Variants in MACF1 observed in about 807,000 individuals in gnomAD.
The protein encoded by MACF1 is microtubule actin crosslinking factor 1.
A neutral mutation model predicts 854.8 loss-of-function variants in MACF1; 193 were observed. The ratio of observed to expected loss-of-function variants is 0.23; its 90% CI spans 0.20 to 0.25. The LOEUF (loss-of-function observed/expected upper bound fraction) is 0.25, where lower values mean the gene tolerates loss of function less well. MACF1 is among the 10% of genes least tolerant of loss of function. MACF1 has a pLI of 1.00. For synonymous variants in MACF1, 3,185 were observed against 3,226.7 expected, an observed-to-expected ratio of 0.99 and a Z score of 0.44; for missense variants, 7,722 against 8,929.1, an observed-to-expected ratio of 0.86 and a Z score of 5.45.
At chr1:39,302,245 A>G (rs1464071413) in intron 22 of MACF1, among the ~76,000 whole-genome samples, 2 of 152,114 alleles carry the variant, frequency 1.3e-5, no homozygotes, top group Non-Finnish European at 2.9e-5. Flanking sequence ...CAGCCTGCCT[A>G]CCTTAGCCTT....
chr1:39,360,843 T>C lies in MACF1; in HGVS notation c.12295T>C (p.Ser4099Pro). ...QSLSYSLAER[S>P]SLLQKAIAQS... ...CCTCTCCTATAGCCTGGCTGAGCGA[T>C]CTTCTCTGCTGCAGAAAGCAATTGC... Residue 4099 changes from serine (S) to proline (P), a missense_variant, in exon 48 of 101, where the codon TCT becomes CCT. By Grantham distance (74) the Ser-to-Pro change is moderately conservative (BLOSUM62 -1). This residue lies in a region of MACF1 where 2,807 missense variants were observed against 3,235.8 expected (regional missense o/e 0.87). Coordinates refer to ENST00000564288, the MANE Select transcript of MACF1 (RefSeq NM_001394062.1). 1 of 1,614,074 alleles carries C rather than the reference T, an allele frequency of 6.2e-7. No homozygotes were observed. Among genetic ancestry groups the C allele is most frequent in the Non-Finnish European group, 8.5e-7 (1 of 1,180,004 alleles).
In MACF1 at chr1:39,460,513, C is replaced by G. The variant is rs1644533855; in HGVS notation, c.21361-119C>G. The G allele has an allele frequency of 1.2e-6, 1 of 825,920 alleles. No individual in the cohort carries two copies. The highest frequency in any genetic ancestry group is 2.0e-6 in the Non-Finnish European group (1 of 510,524). The allele number at this position is 825,920 out of a possible 1,614,324, so 51.2% of individuals were successfully genotyped here. A position where few individuals can be genotyped will look rare whatever the true frequency, so the allele number is the denominator to read the frequency against. ...ACAAAAGAAGCAAACACATAGATTT[C>G]ATTGTTGATGGCCCCTGGAAGCATG... On this transcript the variant is annotated intron_variant, in intron 91 of 100. Coordinates refer to ENST00000564288, the MANE Select transcript of MACF1 (RefSeq NM_001394062.1). This position sits in a 1 kb window ranked among gnomAD's most constrained non-coding sequence, Gnocchi z 4.1.
chr1:39,327,182 T>C lies in MACF1; in HGVS notation c.4479-36T>C, dbSNP rs1345887736. 3 of 1,520,608 alleles carry C rather than the reference T, an allele frequency of 2.0e-6. No individual in the cohort carries two copies. The African/African-American group carries it at 4.1e-5, about 21-fold the overall frequency. 94.2% of individuals were successfully genotyped at this position (1,520,608 alleles called of 1,614,324 possible). ...GAGCAGAGTTTGGAGATTGTTTTTT[T>C]TTCTCCTAAAAAAGCTTTAATGCTT... On this transcript the variant is annotated intron_variant, in intron 35 of 100. Coordinates refer to ENST00000564288, the MANE Select transcript of MACF1 (RefSeq NM_001394062.1).
chr1:39,455,272 C>T (rs917399272), intron 89 of MACF1, among the ~76,000 whole-genome samples, 175 bp downstream of exon 89: 6 of 152,200 alleles, frequency 3.9e-5, no homozygotes, highest in African/African-American at 1.2e-4. Context: ...TATACCTGGG[C>T]ATGAGTTGAC....
intron 2 of MACF1, among the ~76,000 whole-genome samples, chr1:39,096,362 G>A (rs1176009906): frequency 6.6e-6 from 1 of 151,490 alleles, no homozygotes; most frequent in Non-Finnish European, 1.5e-5. Context: ...TAGAAGTTAT[G>A]AGCCAGGAAC....
chr1:39,261,180 G>A (rs1204836325), intron 6 of MACF1, among the ~76,000 whole-genome samples: 1 of 152,048 alleles, frequency 6.6e-6, no homozygotes, highest in Non-Finnish European at 1.5e-5. Flanking sequence ...TACAAATTGT[G>A]TTCAGAGAGG....
intron 1 of MACF1, among the ~76,000 whole-genome samples, chr1:39,218,182 CAAA>C (rs36113375): frequency 9.5e-5 from 8 of 84,478 alleles, no homozygotes; most frequent in East Asian, 3.8e-4. Context: ...GACTCCGTCT[CAAA>C]AAAAAAAAAA....
At chr1:39,254,256 T>A in intron 4 of MACF1, 42 bp from the exon 5 acceptor site, 1 of 1,512,856 alleles carries the variant, frequency 6.6e-7, no homozygotes, top group South Asian at 1.1e-5. Context: ...ATGGTTAAAT[T>A]GTGTAGCCAG....
At chr1:39,293,335 GA>G in intron 17 of MACF1, 122 bp from the exon 18 acceptor site, 1 of 930,154 alleles carries the variant, frequency 1.1e-6, no homozygotes, top group Non-Finnish European at 1.6e-6. Context: ...AATCCATGGG[GA>G]AAAATCCAGA....
rs773876653 is a variant in MACF1, at chr1:39,412,831, G to A, written c.15817-9543G>A. On this transcript the variant is annotated intron_variant, in intron 58 of 100. Coordinates refer to ENST00000564288, the MANE Select transcript of MACF1 (RefSeq NM_001394062.1). Reference sequence around the variant, plus strand: ...AGATGCTGCACTGCCCAGCCCAGAGGAGGGTACCTCAATTGCTGCAGTGCC... The same window carrying A: ...AGATGCTGCACTGCCCAGCCCAGAGAAGGGTACCTCAATTGCTGCAGTGCC... 27 of 1,612,228 alleles carry A rather than the reference G, an allele frequency of 1.7e-5. 2 individuals are homozygous for A. The South Asian group carries it at 3.0e-4, about 18-fold the overall frequency.
At chr1:39,269,033 C>A (rs1270890089) in intron 6 of MACF1, 1 of 1,288,980 alleles carries the variant, frequency 7.8e-7, no homozygotes, top group Non-Finnish European at 1.0e-6. Context: ...AGGAGAGATT[C>A]CAAGGGGAGG....
At chr1:39,110,950 G>A (rs947437000) in intron 2 of MACF1, among the ~76,000 whole-genome samples, 9 of 152,208 alleles carry the variant, frequency 5.9e-5, no homozygotes, top group Admixed American at 3.9e-4. Context: ...ATTATAGATT[G>A]TAAGGAGTCT....
intron 2 of MACF1, among the ~76,000 whole-genome samples, chr1:39,155,477 A>G (rs1408819747): frequency 6.6e-6 from 1 of 152,194 alleles, no homozygotes; most frequent in African/African-American, 2.4e-5. Flanking sequence ...TCATTCCTTT[A>G]CATCTGACTC....
At chr1:39,131,862 G>T (rs187734875) in intron 2 of MACF1, among the ~76,000 whole-genome samples, 1 of 152,168 alleles carries the variant, frequency 6.6e-6, no homozygotes, top group Non-Finnish European at 1.5e-5. Context: ...GCCTAGGCTT[G>T]TCTTGAACTG....
intron 70 of MACF1, among the ~76,000 whole-genome samples, chr1:39,437,314 C>CT (rs1196478574): frequency 7.0e-4 from 93 of 132,086 alleles, no homozygotes; most frequent in African/African-American, 1.2e-3. Context: ...TTTTCTTTTT[C>CT]TTTTTTTTTT....
chr1:39,309,350 G>A (rs1646253200), intron 23 of MACF1, among the ~76,000 whole-genome samples: 1 of 151,380 alleles, frequency 6.6e-6, no homozygotes, highest in South Asian at 2.1e-4. Context: ...CTCCCACCTT[G>A]GCCTCCAAAA....
chr1:39,402,725 TTAGA>T (rs1642525079), intron 58 of MACF1, among the ~76,000 whole-genome samples: 1 of 152,242 alleles, frequency 6.6e-6, no homozygotes, highest in Admixed American at 6.5e-5. Flanking sequence ...AACTGCTCTC[TTAGA>T]TATTCATTGG....
chr1:39,101,937 A>G (rs1265727585), intron 2 of MACF1, among the ~76,000 whole-genome samples: 12 of 150,538 alleles, frequency 8.0e-5, no homozygotes, highest in Non-Finnish European at 1.6e-4. Flanking sequence ...AGCACTTTGG[A>G]AGGCCGATGC....
chr1:39,187,931 C>G (rs1317622824), intron 2 of MACF1, among the ~76,000 whole-genome samples: 2 of 79,656 alleles, frequency 2.5e-5, no homozygotes, highest in East Asian at 9.2e-4. Flanking sequence ...CCTTCTTTCC[C>G]CTTTCCCTTC....
Sources: allele counts gnomAD v4.1 joint callset (sites outside exome capture counted in the v4.1 genomes callset), GRCh38; gene constraint gnomAD v4.1.1; regional missense constraint gnomAD v4.1.1; non-coding constraint Gnocchi (gnomAD v3.1); transcripts MANE v1.5; gene names NCBI Gene and HGNC (gene_info 2026-07-23, HGNC 2026-07-21).